PCNT: variants seen among roughly 807,000 people sequenced by gnomAD.
PCNT encodes kendrin.
Under a neutral mutation model 380.4 loss-of-function variants are expected in PCNT, and 319 were observed. The observed-to-expected ratio is 0.84, with a 90% confidence interval of 0.77 to 0.92. The LOEUF is 0.92. Ranked by LOEUF, PCNT falls within the 40% of genes least tolerant of loss-of-function variation. The probability of loss-of-function intolerance (pLI) is 0.00; values close to 1 mark genes in which losing one functional copy is unlikely to be tolerated. For missense variants in PCNT, 4,400 were observed against 4,255.3 expected, an observed-to-expected ratio of 1.03 and a Z score of -0.95; for synonymous variants, 1,845 against 1,735.2, an observed-to-expected ratio of 1.06 and a Z score of -1.57.
chr21:46,435,332 T>C (rs796129366), intron 38 of PCNT, among the ~76,000 whole-genome samples: 38 of 152,092 alleles, frequency 2.5e-4, no homozygotes, highest in African/African-American at 8.7e-4. Flanking sequence ...TTCAAGTGAT[T>C]CTCCTGCCTC....
At chr21:46,343,164 T>G (rs1218932091) in intron 3 of PCNT, among the ~76,000 whole-genome samples, 2 of 152,160 alleles carry the variant, frequency 1.3e-5, no homozygotes, top group African/African-American at 2.4e-5. Flanking sequence ...ATTTCTTCTC[T>G]TGTCTGATTG....
intron 7 of PCNT, among the ~76,000 whole-genome samples, 193 bp from the exon 8 acceptor site, chr21:46,349,491 C>G (rs964294896): frequency 1.3e-5 from 2 of 152,090 alleles, no homozygotes; most frequent in Non-Finnish European, 2.9e-5. Context: ...CCAGCTTGAC[C>G]CTCATGGTGG....
intron 3 of PCNT, among the ~76,000 whole-genome samples, chr21:46,335,380 C>T (rs901344506): frequency 2.0e-5 from 3 of 152,130 alleles, no homozygotes; most frequent in Admixed American, 6.6e-5. Context: ...GAATTGACTA[C>T]TTTTGAAGTG....
chr21:46,325,587 G>A (rs2083362863), intron 1 of PCNT, among the ~76,000 whole-genome samples: 1 of 152,242 alleles, frequency 6.6e-6, no homozygotes, highest in Non-Finnish European at 1.5e-5. Flanking sequence ...CTGGGTCCAT[G>A]AGCTTGTGTA....
chr21:46,410,208 A>G (rs1385110818), intron 27 of PCNT, among the ~76,000 whole-genome samples: 2 of 152,280 alleles, frequency 1.3e-5, no homozygotes, highest in East Asian at 3.9e-4. Context: ...TGCTAAATGC[A>G]TGGTGTTGTT....
chr21:46,391,107 CT>C, intron 20 of PCNT, 56 bp from the exon 21 acceptor site: 4 of 1,477,536 alleles, frequency 2.7e-6, no homozygotes, highest in Non-Finnish European at 3.7e-6. Flanking sequence ...TCCAAGCAGG[CT>C]CTCCTCAGTT....
At chr21:46,354,345 A>T (rs1317026368) in intron 11 of PCNT, among the ~76,000 whole-genome samples, 1 of 152,208 alleles carries the variant, frequency 6.6e-6, no homozygotes, top group African/African-American at 2.4e-5. Flanking sequence ...AGTGGGCTGC[A>T]TTCGTCAGAC....
chr21:46,326,624 C>T (rs1310348978), intron 2 of PCNT, 35 bp downstream of exon 2: 1 of 1,584,602 alleles, frequency 6.3e-7, no homozygotes, highest in Non-Finnish European at 8.7e-7. Context: ...GAACATTTCG[C>T]TTATCTTCTA....
intron 16 of PCNT, among the ~76,000 whole-genome samples, chr21:46,382,517 A>G (rs2085598564): frequency 7.1e-6 from 1 of 140,152 alleles, no homozygotes; most frequent in Admixed American, 7.3e-5. Context: ...TCAGTGGCAG[A>G]AGCTCATTCA....
chr21:46,443,739 T>C, intron 44 of PCNT, 71 bp from the exon 45 acceptor site: 2 of 1,445,702 alleles, frequency 1.4e-6, no homozygotes, highest in Non-Finnish European at 1.9e-6. Context: ...AAACTGTTGA[T>C]AGATGGGCCT....
chr21:46,420,574 G>A (rs1454356673), intron 31 of PCNT: 1 of 152,382 alleles, frequency 6.6e-6, no homozygotes, highest in Non-Finnish European at 1.5e-5. Context: ...GCTCCGAGGT[G>A]AAGCATGGTT....
intron 35 of PCNT, among the ~76,000 whole-genome samples, chr21:46,429,604 G>A (rs991282301): frequency 1.3e-5 from 2 of 152,200 alleles, no homozygotes; most frequent in African/African-American, 4.8e-5. Flanking sequence ...GGAAGTATTT[G>A]GGAAGTAGCC....
At position 46,428,124 on chromosome 21, in the gene PCNT, T is replaced by C. The variant is rs1372190429; in HGVS notation, c.7495-271T>C. On this transcript the variant is annotated intron_variant, in intron 34 of 46. Coordinates refer to ENST00000359568, the MANE Select transcript of PCNT (RefSeq NM_006031.6). Reference sequence around the variant, plus strand: ...TGTGTGCAGGGCTGGGTGGCGTTGGTGCCGTGGGGACACTGGAAATCCTGT... The same window carrying C: ...TGTGTGCAGGGCTGGGTGGCGTTGGCGCCGTGGGGACACTGGAAATCCTGT... 2.6e-5 allele frequency among the ~76,000 whole-genome samples: 4 copies of C among 152,040 alleles called. 1 individual carries two copies. The highest frequency in any genetic ancestry group is 5.9e-5 in the Non-Finnish European group (4 of 67,988).
chr21:46,442,650 AT>A, intron 44 of PCNT, 77 bp downstream of exon 44: 1 of 941,610 alleles, frequency 1.1e-6, no homozygotes. Context: ...ACTTTGGGTC[AT>A]TTTTCAGTGT....
rs1004343960 is a variant in PCNT, at chr21:46,431,756, G to A, written c.8292G>A (p.Glu2764=). 17 of 1,612,526 alleles carry A rather than the reference G, an allele frequency of 1.1e-5. No individual in the cohort carries two copies. In the African/African-American group the frequency reaches 1.7e-4, roughly 16 times the overall value. The part of the protein sequence containing the change: ...TLELSEALRH[E]RLLTEQLSQR... ...AGCTGTCAGAGGCCTTGCGGCACGA[G>A]CGGCTCCTGACCGAGCAGCTGAGCC... Residue 2764 remains glutamate, a synonymous_variant, in exon 38 of 47, where the codon GAG becomes GAA. Transcript: ENST00000359568.
intron 13 of PCNT, among the ~76,000 whole-genome samples, chr21:46,359,503 T>TTTTTTTTTTTTTTTTTTTTTTTAA: frequency 8.2e-6 from 1 of 122,650 alleles, no homozygotes; most frequent in South Asian, 2.6e-4. Flanking sequence ...TTTTTTTTTT[T>TTTTTTTTTTTTTTTTTTTTTTTAA]TTTTGAGACA....
chr21:46,427,708 G>C lies in PCNT; in HGVS notation c.7407G>C (p.Gly2469=), dbSNP rs1569293431. ...TTGAAAAAGAGCAGGAGATGCAGGG[G>C]GTTGAGCTGCAGCCCCGACTCAGTG... ...EAFEKEQEMQ[G]VELQPRLSGS... is the part of the protein sequence containing the mutation. Residue 2469 remains glycine (G), a synonymous_variant, in exon 34 of 47, where the codon GGG becomes GGC. Coordinates refer to ENST00000359568, the MANE Select transcript of PCNT (RefSeq NM_006031.6). 6.2e-7 allele frequency: 1 copy of C among 1,613,846 alleles called. No homozygotes were observed. The highest frequency in any genetic ancestry group is 8.5e-7 in the Non-Finnish European group (1 of 1,179,996).
chr21:46,431,069 C>G (rs1240329357), intron 37 of PCNT: 2 of 985,336 alleles, frequency 2.0e-6, no homozygotes, highest in Admixed American at 6.1e-5. Flanking sequence ...TGTGCCAGTT[C>G]CATGGGTTAT....
chr21:46,390,428 G>A (rs2085992109), intron 19 of PCNT, among the ~76,000 whole-genome samples: 1 of 152,180 alleles, frequency 6.6e-6, no homozygotes, highest in South Asian at 2.1e-4. Context: ...GGGAGTGTCT[G>A]GAGGAAGGGA....
Sources: gnomAD v4.1 joint callset for allele counts (sites outside exome capture counted in the v4.1 genomes callset) on GRCh38, gnomAD v4.1.1 for gene constraint, MANE v1.5 for transcripts, NCBI Gene and HGNC (gene_info 2026-07-23, HGNC 2026-07-21) for gene names.